The following AGBL1 variants were observed in gnomAD, a reference collection of about 807,000 sequenced individuals.
AGBL1 encodes the protein AGBL carboxypeptidase 1, also known as cytosolic carboxypeptidase 4.
Under a neutral mutation model 118.9 loss-of-function variants are expected in AGBL1, and 130 were observed. The ratio of observed to expected loss-of-function variants is 1.09; its 90% CI spans 0.95 to 1.26. The LOEUF (loss-of-function observed/expected upper bound fraction) is 1.26. AGBL1 is among the 50% of genes most tolerant of loss of function. The pLI is 0.00. For synonymous variants in AGBL1, 555 were observed against 478.9 expected, an observed-to-expected ratio of 1.16 and a Z score of -2.08; for missense variants, 1,584 against 1,298.1, an observed-to-expected ratio of 1.22 and a Z score of -3.38.
chr15:86,893,975 G>A (rs948642584), intron 22 of AGBL1, among the ~76,000 whole-genome samples: 1 of 152,156 alleles, frequency 6.6e-6, no homozygotes, highest in African/African-American at 2.4e-5. Context: ...ATTTGGAGAA[G>A]AATTCAAACC....
chr15:86,946,070 G>A (rs562886800), intron 23 of AGBL1: 1 of 152,288 alleles, frequency 6.6e-6, no homozygotes, highest in South Asian at 2.1e-4. Context: ...ATATTTTAAG[G>A]TGGGGTGAGA....
At chr15:86,327,405 C>T (rs1052015832) in intron 17 of AGBL1, among the ~76,000 whole-genome samples, 1 of 152,138 alleles carries the variant, frequency 6.6e-6, no homozygotes, top group African/African-American at 2.4e-5. Flanking sequence ...ACTTAGGATG[C>T]TGAAGGTTAC....
chr15:86,834,948 C>A (rs940931836), intron 22 of AGBL1, among the ~76,000 whole-genome samples: 4 of 152,092 alleles, frequency 2.6e-5, no homozygotes, highest in Admixed American at 6.5e-5. Flanking sequence ...AGGAGCAGTA[C>A]TTCTTAAGAC....
intron 1 of AGBL1, among the ~76,000 whole-genome samples, chr15:86,125,994 T>C (rs1334159356): frequency 6.6e-6 from 1 of 152,096 alleles, no homozygotes; most frequent in Non-Finnish European, 1.5e-5. Flanking sequence ...CCTATGAAAA[T>C]TGTGACTCAA....
intron 17 of AGBL1, among the ~76,000 whole-genome samples, chr15:86,389,569 G>A (rs2081246748): frequency 6.6e-6 from 1 of 152,172 alleles, no homozygotes; most frequent in Admixed American, 6.5e-5. Context: ...ATGAAAGTTT[G>A]TAGATGCAGC....
At chr15:86,343,661 T>C (rs948130005) in intron 17 of AGBL1, among the ~76,000 whole-genome samples, 3 of 152,118 alleles carry the variant, frequency 2.0e-5, no homozygotes, top group African/African-American at 7.2e-5. Context: ...AGAACAAATA[T>C]TGGGAGAGGA....
At chr15:86,091,348 G>T (rs1192945678) in intron 1 of AGBL1, among the ~76,000 whole-genome samples, 1 of 152,100 alleles carries the variant, frequency 6.6e-6, no homozygotes, top group South Asian at 2.1e-4. Flanking sequence ...AGAATGTTGT[G>T]GTAACTCTTG....
intron 21 of AGBL1, among the ~76,000 whole-genome samples, chr15:86,654,717 G>A (rs76817134): frequency 0.063 from 9,524 of 152,004 alleles, 950 homozygotes; most frequent in African/African-American, 0.21. Context: ...TCTCCTTGGG[G>A]AGGACTGTGG....
chr15:86,160,637 T>C (rs140520912), intron 5 of AGBL1, among the ~76,000 whole-genome samples: 1 of 152,370 alleles, frequency 6.6e-6, no homozygotes, highest in Non-Finnish European at 1.5e-5. Flanking sequence ...CTATGAACTT[T>C]ATCTTTCTGC....
intron 22 of AGBL1, among the ~76,000 whole-genome samples, chr15:86,878,265 T>C (rs190129505): frequency 1.5e-4 from 23 of 152,326 alleles, no homozygotes; most frequent in Admixed American, 6.5e-4. Context: ...ATTTTAATCT[T>C]TGCAAGTCAT....
downstream of AGBL1, among the ~76,000 whole-genome samples, chr15:86,918,428 T>C (rs1339846761): frequency 1.3e-5 from 2 of 152,178 alleles, no homozygotes; most frequent in Admixed American, 6.5e-5. Flanking sequence ...CCCTTCATTT[T>C]TCCCTTGAGG....
intron 22 of AGBL1, among the ~76,000 whole-genome samples, chr15:86,729,514 G>A (rs1405560454): frequency 6.6e-6 from 1 of 152,124 alleles, no homozygotes; most frequent in Non-Finnish European, 1.5e-5. Context: ...TGCTTATGAG[G>A]GAGAACATGC....
intron 15 of AGBL1, among the ~76,000 whole-genome samples, chr15:86,272,456 T>G (rs1051025427): frequency 1.3e-4 from 20 of 152,214 alleles, no homozygotes; most frequent in Non-Finnish European, 2.4e-4. Context: ...TTTTAAAAAC[T>G]GAGAGACTAG....
intron 21 of AGBL1, among the ~76,000 whole-genome samples, chr15:86,607,181 G>C (rs1012230771): frequency 6.6e-6 from 1 of 152,128 alleles, no homozygotes; most frequent in Non-Finnish European, 1.5e-5. Flanking sequence ...CCATTATCTG[G>C]AGGTACCACA....
chr15:86,310,727 C>T (rs561990900), intron 17 of AGBL1, among the ~76,000 whole-genome samples: 30 of 152,206 alleles, frequency 2.0e-4, no homozygotes, highest in Non-Finnish European at 3.5e-4. Context: ...GAGCCTGGGG[C>T]CACAGAAGCT....
chr15:86,606,239 T>C (rs939057461), intron 21 of AGBL1, among the ~76,000 whole-genome samples: 9 of 151,910 alleles, frequency 5.9e-5, no homozygotes, highest in African/African-American at 2.2e-4. Context: ...TTGGCTACTG[T>C]GGTTCTGTTT....
chr15:86,390,838 T>A (rs1360677994), intron 17 of AGBL1, among the ~76,000 whole-genome samples: 1 of 151,658 alleles, frequency 6.6e-6, no homozygotes, highest in Admixed American at 6.6e-5. Context: ...CCCAGCAAAT[T>A]TTTGTATTTT....
intron 1 of AGBL1, among the ~76,000 whole-genome samples, chr15:86,136,334 GTGT>G (rs1432303990): frequency 3.3e-5 from 5 of 152,226 alleles, no homozygotes; most frequent in African/African-American, 1.2e-4. Flanking sequence ...TATGTACAAA[GTGT>G]TGTTGGACAA....
At chr15:86,448,537 T>C (rs78641344) in intron 18 of AGBL1, among the ~76,000 whole-genome samples, 6,800 of 152,260 alleles carry the variant, frequency 0.045, 203 homozygotes, top group South Asian at 0.097. Context: ...CACTTCGGAT[T>C]TTTAGCAGTG....
Sources: allele counts gnomAD v4.1 joint callset (sites outside exome capture counted in the v4.1 genomes callset), GRCh38; gene constraint gnomAD v4.1.1; transcripts MANE v1.5; gene names NCBI Gene and HGNC (gene_info 2026-07-23, HGNC 2026-07-21).